Variants in HPSE2 observed in about 807,000 individuals in gnomAD.
The protein encoded by HPSE2 is heparanase 2 (inactive).
Under a neutral mutation model 60.5 loss-of-function variants are expected in HPSE2, and 38 were observed. That is an observed-to-expected ratio of 0.63 (90% CI 0.48 to 0.82). HPSE2 has a LOEUF of 0.82. Ranked by LOEUF, HPSE2 falls within the 40% of genes least tolerant of loss-of-function variation. The pLI, the probability that HPSE2 is intolerant of heterozygous loss-of-function variation, is 0.00. For missense variants in HPSE2, 713 were observed against 740.4 expected (o/e 0.96, Z 0.43); for synonymous variants, 295 against 293.2 (o/e 1.01, Z -0.06).
intron 3 of HPSE2, among the ~76,000 whole-genome samples, chr10:99,072,100 A>G (rs1013404858): frequency 6.6e-6 from 1 of 150,548 alleles, no homozygotes; most frequent in African/African-American, 2.5e-5. Context: ...TGTTTTGTCT[A>G]TTTCTGTAAA....
chr10:99,265,958 G>A, the HPSE2 span, among the ~76,000 whole-genome samples: 1 of 152,224 alleles, frequency 6.6e-6, no homozygotes, highest in African/African-American at 2.4e-5. Flanking sequence ...GGTAGAAGAA[G>A]CAGCAAGAAG....
At chr10:98,754,309 GA>G (rs1388501461) in intron 3 of HPSE2, among the ~76,000 whole-genome samples, 3 of 151,868 alleles carry the variant, frequency 2.0e-5, no homozygotes, top group African/African-American at 7.3e-5. Flanking sequence ...CAAACATAGG[GA>G]AAAAAGAATA....
At chr10:99,272,174 G>A in the HPSE2 span, among the ~76,000 whole-genome samples, 1 of 152,032 alleles carries the variant, frequency 6.6e-6, no homozygotes, top group South Asian at 2.1e-4. Flanking sequence ...AGGAGGCTAA[G>A]GCAGAGAATT....
At chr10:99,167,005 G>GTTTC (rs36142410) in intron 2 of HPSE2, among the ~76,000 whole-genome samples, 2 of 149,546 alleles carry the variant, frequency 1.3e-5, no homozygotes, top group Non-Finnish European at 3.0e-5. Flanking sequence ...TTTCCTTTTT[G>GTTTC]TTTGTTTGTT....
chr10:99,198,787 A>C (rs562555482), intron 2 of HPSE2, among the ~76,000 whole-genome samples: 1 of 152,316 alleles, frequency 6.6e-6, no homozygotes, highest in South Asian at 2.1e-4. Context: ...ATCTTAATGA[A>C]TTAATTAATC....
intron 2 of HPSE2, among the ~76,000 whole-genome samples, chr10:99,154,604 G>A (rs1433759955): frequency 9.2e-5 from 14 of 151,518 alleles, no homozygotes; most frequent in African/African-American, 1.9e-4. Flanking sequence ...TGAAGGAAGC[G>A]CTAAACATGG....
rs1844152009 is a variant in HPSE2, at chr10:99,104,416, G to A, written c.610+39822C>T. Among the ~76,000 whole-genome samples, 4 of 152,178 alleles carry A rather than the reference G, an allele frequency of 2.6e-5. No individual in the cohort carries two copies. The South Asian group carries it at 8.3e-4, about 32-fold the overall frequency. On this transcript the variant is annotated intron_variant, in intron 3 of 11. Transcript: ENST00000370552. ...TCATTAAAAAGTCAGGAAACAGCAGGTGCTGGAGAGGATGTGGAGAAATAG... is the reference window on the plus strand; with the variant it reads ...TCATTAAAAAGTCAGGAAACAGCAGATGCTGGAGAGGATGTGGAGAAATAG...
chr10:99,085,756 T>C (rs973272746), intron 3 of HPSE2, among the ~76,000 whole-genome samples: 3 of 152,214 alleles, frequency 2.0e-5, no homozygotes, highest in East Asian at 1.9e-4. Flanking sequence ...ATGTGTACTT[T>C]CAGGGCAAAA....
the HPSE2 span, among the ~76,000 whole-genome samples, chr10:99,295,098 A>G: frequency 1.0e-4 from 16 of 152,388 alleles, no homozygotes; most frequent in African/African-American, 3.8e-4. Context: ...AATACTTATC[A>G]GTGGAAAATT....
intron 3 of HPSE2, among the ~76,000 whole-genome samples, chr10:98,890,342 G>C (rs1953298816): frequency 6.6e-6 from 1 of 152,054 alleles, no homozygotes; most frequent in African/African-American, 2.4e-5. Context: ...CAACTGAAAA[G>C]TGGTAGTAAA....
intron 3 of HPSE2, among the ~76,000 whole-genome samples, chr10:98,997,294 T>C (rs976514585): frequency 1.3e-5 from 2 of 151,848 alleles, no homozygotes; most frequent in African/African-American, 4.8e-5. Context: ...TTTTTTCTAT[T>C]TTTAACAGAG....
At chr10:99,300,559 C>T in the HPSE2 span, among the ~76,000 whole-genome samples, 3 of 152,214 alleles carry the variant, frequency 2.0e-5, no homozygotes, top group Non-Finnish European at 4.4e-5. Context: ...GGTTCTTCCT[C>T]ATGCCTGAGT....
At chr10:98,614,498 T>C (rs1945846426) in intron 9 of HPSE2, among the ~76,000 whole-genome samples, 1 of 152,010 alleles carries the variant, frequency 6.6e-6, no homozygotes, top group Non-Finnish European at 1.5e-5. Flanking sequence ...TTCACCATGT[T>C]AGCCAGGATG....
intron 2 of HPSE2, among the ~76,000 whole-genome samples, chr10:99,208,042 G>A (rs1276127568): frequency 6.7e-6 from 1 of 148,742 alleles, no homozygotes; most frequent in Admixed American, 6.7e-5. Context: ...AATATAAGAA[G>A]TTATACTATA....
intron 3 of HPSE2, among the ~76,000 whole-genome samples, chr10:98,892,062 T>A (rs1953350911): frequency 6.6e-6 from 1 of 152,174 alleles, no homozygotes. Flanking sequence ...TGAGCCACTG[T>A]GCCTGGCCAG....
intron 3 of HPSE2, among the ~76,000 whole-genome samples, chr10:98,991,367 G>C (rs1956519744): frequency 6.6e-6 from 1 of 152,170 alleles, no homozygotes; most frequent in Non-Finnish European, 1.5e-5. Flanking sequence ...GGCATCTGAG[G>C]GAAGAAATTT....
intron 3 of HPSE2, among the ~76,000 whole-genome samples, chr10:98,754,248 G>A (rs1390535873): frequency 1.3e-5 from 2 of 152,122 alleles, no homozygotes. Flanking sequence ...ATCAAGCTGA[G>A]GAAAGAATCT....
chr10:98,637,165 T>C (rs983275767), intron 7 of HPSE2, among the ~76,000 whole-genome samples: 3 of 152,198 alleles, frequency 2.0e-5, no homozygotes, highest in African/African-American at 7.2e-5. Flanking sequence ...ATGCATCATG[T>C]AGATTTTCAT....
chr10:98,576,164 C>T (rs375097895), intron 9 of HPSE2, among the ~76,000 whole-genome samples: 165 of 151,930 alleles, frequency 1.1e-3, no homozygotes, highest in African/African-American at 3.6e-3. Flanking sequence ...TATGATATCA[C>T]GGGTAAAACC....
Sources: gnomAD v4.1 joint callset for allele counts (sites outside exome capture counted in the v4.1 genomes callset) on GRCh38, gnomAD v4.1.1 for gene constraint, MANE v1.5 for transcripts, NCBI Gene and HGNC (gene_info 2026-07-23, HGNC 2026-07-21) for gene names.